Variants in LMCD1 observed in about 807,000 individuals in gnomAD.
LMCD1 encodes LIM and cysteine-rich domains protein 1.
In LMCD1, 32 loss-of-function variants were observed where a neutral mutation model predicts 42.7. That is an observed-to-expected ratio of 0.75 (90% CI 0.57 to 1.01). The LOEUF is 1.01. Among genes scored for constraint, LMCD1 ranks in the 50% least tolerant of loss-of-function variants. The pLI is 0.00. For missense variants in LMCD1, 458 were observed against 483.1 expected, an observed-to-expected ratio of 0.95 and a Z score of 0.49; for synonymous variants, 178 against 184.9, an observed-to-expected ratio of 0.96 and a Z score of 0.30.
chr3:8,514,921 C>G (rs1050259297), intron 1 of LMCD1: 1 of 456,268 alleles, frequency 2.2e-6, no homozygotes, highest in Non-Finnish European at 4.4e-6. Context: ...ACGTGTTTAT[C>G]TAGATGGTGA....
At chr3:8,567,391 A>T in intron 5 of LMCD1, 49 bp from the exon 6 acceptor site, 1 of 1,594,374 alleles carries the variant, frequency 6.3e-7, no homozygotes, top group Non-Finnish European at 8.6e-7. Flanking sequence ...TACCGTCTCT[A>T]CCTAGGGACA....
At chr3:8,539,821 T>G (rs997483364) in intron 3 of LMCD1, among the ~76,000 whole-genome samples, 2 of 148,136 alleles carry the variant, frequency 1.4e-5, no homozygotes, top group African/African-American at 4.9e-5. Context: ...TTATTATTAT[T>G]ATTATTATTA....
intron 1 of LMCD1, among the ~76,000 whole-genome samples, chr3:8,526,168 C>G (rs1396065311): frequency 6.6e-6 from 1 of 152,180 alleles, no homozygotes; most frequent in Non-Finnish European, 1.5e-5. Context: ...GCAAAATCCC[C>G]TGCTAAAGGA....
chr3:8,512,394 G>A (rs925202482), intron 1 of LMCD1, among the ~76,000 whole-genome samples: 3 of 152,178 alleles, frequency 2.0e-5, no homozygotes, highest in African/African-American at 7.2e-5. Flanking sequence ...AGTGCTGCTA[G>A]GATGATTGTC....
chr3:8,502,305 A>AAATATATAATATATAT (rs1559342054), intron 1 of LMCD1, among the ~76,000 whole-genome samples: 228 of 21,722 alleles, frequency 0.01, 79 homozygotes, highest in African/African-American at 0.013. Flanking sequence ...ATTATATATA[A>AAATATATAATATATAT]TATATAAAAT....
At chr3:8,540,065 G>T (rs1186780139) in intron 3 of LMCD1, among the ~76,000 whole-genome samples, 1 of 151,716 alleles carries the variant, frequency 6.6e-6, no homozygotes, top group Middle Eastern at 3.4e-3. Flanking sequence ...AAAAGGATGA[G>T]TTCATATCCT....
chr3:8,520,324 T>A (rs73130035), intron 1 of LMCD1, among the ~76,000 whole-genome samples: 1 of 152,070 alleles, frequency 6.6e-6, no homozygotes, highest in Non-Finnish European at 1.5e-5. Flanking sequence ...TAGGGAGGTA[T>A]AATAAGTAGG....
intron 5 of LMCD1, 113 bp from the exon 6 acceptor site, chr3:8,567,327 G>A (rs1695145860): frequency 1.8e-6 from 2 of 1,105,256 alleles, no homozygotes; most frequent in Middle Eastern, 2.1e-4. Flanking sequence ...GCTTTAAAAG[G>A]TCAAAACAAG....
At chr3:8,513,610 A>G (rs944303633) in intron 1 of LMCD1, among the ~76,000 whole-genome samples, 1 of 152,200 alleles carries the variant, frequency 6.6e-6, no homozygotes, top group Non-Finnish European at 1.5e-5. Context: ...CTTTCAAAGA[A>G]AAAAGGGAGG....
intron 4 of LMCD1, among the ~76,000 whole-genome samples, chr3:8,555,528 T>C (rs1040051393): frequency 6.6e-6 from 1 of 152,012 alleles, no homozygotes; most frequent in Non-Finnish European, 1.5e-5. Flanking sequence ...GGCAGGAGCC[T>C]GGGGGCAGCC....
chr3:8,560,695 GA>G (rs1261076794), intron 4 of LMCD1, among the ~76,000 whole-genome samples: 4 of 152,238 alleles, frequency 2.6e-5, no homozygotes, highest in Non-Finnish European at 5.9e-5. Context: ...GAGGGAGGGT[GA>G]AAATAAGTAG....
intron 3 of LMCD1, among the ~76,000 whole-genome samples, chr3:8,538,751 GCAAA>G (rs1032665537): frequency 1.2e-4 from 19 of 152,032 alleles, no homozygotes; most frequent in African/African-American, 4.6e-4. Context: ...AACTTTTATT[GCAAA>G]CAGATTATCT....
At chr3:8,543,406 G>GATTGATAGATAT (rs1317058908) in intron 3 of LMCD1, among the ~76,000 whole-genome samples, 4 of 135,904 alleles carry the variant, frequency 2.9e-5, no homozygotes, top group African/African-American at 6.1e-5. Flanking sequence ...ATGATAGATA[G>GATTGATAGATAT]ATAGATAGAT....
At chr3:8,546,455 A>G (rs1414942737) in intron 3 of LMCD1, among the ~76,000 whole-genome samples, 1 of 152,058 alleles carries the variant, frequency 6.6e-6, no homozygotes, top group Non-Finnish European at 1.5e-5. Context: ...AGGGTTTACG[A>G]TCCTCCTTTT....
At chr3:8,564,731 C>A (rs543782924) in intron 4 of LMCD1, among the ~76,000 whole-genome samples, 2 of 152,274 alleles carry the variant, frequency 1.3e-5, no homozygotes, top group East Asian at 3.9e-4. Context: ...GAGAAAGTAT[C>A]CTGTGTCAAA....
At chr3:8,553,334 G>A (rs1195757859) in intron 4 of LMCD1, among the ~76,000 whole-genome samples, 2 of 152,210 alleles carry the variant, frequency 1.3e-5, no homozygotes, top group African/African-American at 2.4e-5. Flanking sequence ...AGCCTGCCAA[G>A]TTCTCCCACC....
At chr3:8,549,987 T>A in intron 4 of LMCD1, 1 of 1,465,756 alleles carries the variant, frequency 6.8e-7, no homozygotes, top group South Asian at 1.2e-5. Context: ...GCCCCACCTC[T>A]CAATACTGCC....
chr3:8,554,274 C>T (rs183468095), intron 4 of LMCD1, among the ~76,000 whole-genome samples: 2 of 152,256 alleles, frequency 1.3e-5, no homozygotes, highest in East Asian at 1.9e-4. Flanking sequence ...GGTTACCCCA[C>T]GTGCTGATGA....
At chr3:8,521,259 A>G (rs1249015770) in intron 1 of LMCD1, among the ~76,000 whole-genome samples, 1 of 152,134 alleles carries the variant, frequency 6.6e-6, no homozygotes, top group Admixed American at 6.5e-5. Context: ...AATGTTCAAC[A>G]AGGAGCCCGT....
Sources: gnomAD v4.1 joint callset for allele counts (sites outside exome capture counted in the v4.1 genomes callset) on GRCh38, gnomAD v4.1.1 for gene constraint, MANE v1.5 for transcripts, NCBI Gene and HGNC (gene_info 2026-07-23, HGNC 2026-07-21) for gene names.